TP73: variants seen among roughly 807,000 people sequenced by gnomAD.
TP73 encodes p53-like transcription factor.
TP73 carries 25 observed loss-of-function variants against 62.5 expected under a neutral mutation model. The ratio of observed to expected loss-of-function variants is 0.40; its 90% CI spans 0.29 to 0.56. The LOEUF (loss-of-function observed/expected upper bound fraction) is 0.56. TP73 is among the 20% of genes least tolerant of loss of function. The pLI is 0.46. For missense variants in TP73, 754 were observed against 913.3 expected (o/e 0.83, Z 2.25); for synonymous variants, 423 against 377.5 (o/e 1.12, Z -1.40).
At chr1:3,727,867 T>C in intron 8 of TP73, 97 bp downstream of exon 8, 1 of 1,431,492 alleles carries the variant, frequency 7.0e-7, no homozygotes, top group East Asian at 2.5e-5. Context: ...ACAGGGCCAG[T>C]CCCTGAACGG....
Position 3,730,930 on chromosome 1 carries a change from C to G in TP73, c.1349C>G (p.Pro450Arg). 1 of 1,603,926 alleles carries G rather than the reference C, an allele frequency of 6.2e-7. No homozygotes were observed. Among genetic ancestry groups the G allele is most frequent in the Non-Finnish European group, 8.5e-7 (1 of 1,175,878 alleles). The change falls in exon 12 of 14, where the codon CCC (proline) becomes CGC (arginine). Residue 450 changes from proline to arginine, a missense_variant. Around this residue, in one of 3 missense-constraint regions of TP73, gnomAD observed 458 missense variants for 528.7 expected, o/e 0.87. Transcript: ENST00000378295. ...AATPNLGPVG[P>R]GMLNNHGHAV... ...GCCCCACCTGCCTCTCACCCAGGCC[C>G]CGGGATGCTCAACAACCATGGCCAC...
chr1:3,663,549 A>G lies in TP73; in HGVS notation c.-34+10908A>G, dbSNP rs1645043185. 6.6e-6 allele frequency among the ~76,000 whole-genome samples: 1 copy of G among 152,096 alleles called. No individual in the cohort carries two copies. The highest frequency in any genetic ancestry group is 1.5e-5 in the Non-Finnish European group (1 of 68,012). ...GCTCACACGGTGAAACCCCATCTCTACTAAAAAATACAAAAAATTAGCCAG... is the reference window on the plus strand; with the variant it reads ...GCTCACACGGTGAAACCCCATCTCTGCTAAAAAATACAAAAAATTAGCCAG... On this transcript the variant is annotated intron_variant, in intron 1 of 13. Transcript: ENST00000378295. This position sits in a 1 kb window ranked among gnomAD's most constrained non-coding sequence, Gnocchi z 4.7.
intron 4 of TP73, among the ~76,000 whole-genome samples, chr1:3,715,320 G>A (rs539705929): frequency 2.6e-5 from 4 of 152,170 alleles, no homozygotes; most frequent in African/African-American, 9.6e-5. Flanking sequence ...CAGTCTTCCT[G>A]GAACCCAGGG....
rs1456616528 is a variant in TP73 at position 3,699,023 on chromosome 1, C to G, written c.187-8526C>G. ...GGGATTGGGCAAGGCCTCGCCTCAG[C>G]CCCGGGTGAGAGCAGAGGGTGCTGT... On this transcript the variant is annotated intron_variant, in intron 3 of 13. Coordinates refer to ENST00000378295, the MANE Select transcript of TP73 (RefSeq NM_005427.4). This position sits in a 1 kb window ranked among gnomAD's most constrained non-coding sequence, Gnocchi z 4.1. Among the ~76,000 whole-genome samples the G allele has an allele frequency of 6.6e-6, 1 of 152,142 alleles. No homozygotes were observed. The highest frequency in any genetic ancestry group is 2.4e-5 in the African/African-American group (1 of 41,418).
intron 1 of TP73, among the ~76,000 whole-genome samples, chr1:3,664,076 C>A (rs559868254): frequency 6.8e-4 from 103 of 152,350 alleles, no homozygotes; most frequent in Non-Finnish European, 1.3e-3. Flanking sequence ...ACCTGAGAAC[C>A]CCCAAGGGTG....
rs923921974 is a variant in TP73 at position 3,733,510 on chromosome 1, G to A, written c.*431G>A. The A allele has an allele frequency of 9.4e-6, 2 of 211,902 alleles. No individual in the cohort carries two copies. Among genetic ancestry groups the A allele is most frequent in the East Asian group, 2.2e-4 (2 of 8,942 alleles). The allele number at this position is 211,902 out of a possible 1,614,324, so 13.1% of individuals were successfully genotyped here. On this transcript the variant is annotated 3_prime_UTR_variant, in exon 14 of 14. Coordinates refer to ENST00000378295, the MANE Select transcript of TP73 (RefSeq NM_005427.4). ...GATGGACTGCCAAAAAGTATTTTGCGACATCTTTTGGTTCTGGATAGTAGT... is the reference window on the plus strand; with the variant it reads ...GATGGACTGCCAAAAAGTATTTTGCAACATCTTTTGGTTCTGGATAGTAGT...
chr1:3,660,307 A>G (rs1353506031), intron 1 of TP73, among the ~76,000 whole-genome samples: 1 of 152,222 alleles, frequency 6.6e-6, no homozygotes, highest in Non-Finnish European at 1.5e-5. Flanking sequence ...CCTTTAATCC[A>G]GGTACAAGGG....
intron 1 of TP73, among the ~76,000 whole-genome samples, chr1:3,669,279 A>T (rs1232287233): frequency 6.6e-6 from 1 of 152,144 alleles, no homozygotes; most frequent in Non-Finnish European, 1.5e-5. Flanking sequence ...GAGCCCCTCT[A>T]CGGCCTCCCA....
chr1:3,661,126 C>T (rs1351330488), intron 1 of TP73, among the ~76,000 whole-genome samples: 1 of 151,274 alleles, frequency 6.6e-6, no homozygotes, highest in Non-Finnish European at 1.5e-5. Context: ...TTATCTAAAA[C>T]AATTTTCCCT....
In TP73 at chr1:3,672,912, C is replaced by T. The variant is rs965304178; in HGVS notation, c.-33-9421C>T. ...ACCCCACCTCCAAACCCTCCTGACC[C>T]GCTTACCCCCAGGAGCACCGCCCAC... On this transcript the variant is annotated intron_variant, in intron 1 of 13. Transcript: ENST00000378295. The surrounding 1 kb of genome is among the most constrained non-coding windows in gnomAD (Gnocchi z 5.3). 2.6e-5 allele frequency among the ~76,000 whole-genome samples: 4 copies of T among 152,186 alleles called. No individual in the cohort carries two copies. The highest frequency in any genetic ancestry group is 6.5e-5 in the Admixed American group (1 of 15,278).
intron 3 of TP73, among the ~76,000 whole-genome samples, chr1:3,685,570 G>C (rs1357008071): frequency 6.6e-6 from 1 of 152,212 alleles, no homozygotes. Context: ...GCTGGGCCAA[G>C]AGCATGCTGT....
At chr1:3,702,796 C>G (rs1429087127) in intron 3 of TP73, among the ~76,000 whole-genome samples, 1 of 152,242 alleles carries the variant, frequency 6.6e-6, no homozygotes, top group Non-Finnish European at 1.5e-5. Context: ...CCTAATTAGC[C>G]CACTATCTTG....
rs1402767646 is a variant in TP73, at chr1:3,732,989, C to T, written c.1821C>T (p.Asp607=). 9 of 1,588,960 alleles carry T rather than the reference C, an allele frequency of 5.7e-6. No homozygotes were observed. Among genetic ancestry groups the T allele is most frequent in the South Asian group, 2.3e-5 (2 of 88,528 alleles). ...GCGGCGGCCCAGGCGGCGGCCCTGA[C>T]GAGTGGGCGGACTTCGGCTTCGACC... is the stretch of plus-strand genomic sequence containing the variant. ...PNRGGPGGGP[D]EWADFGFDLP... The change falls in exon 14 of 14, where the codon GAC becomes GAT. Residue 607 remains aspartate (D), a synonymous_variant. Coordinates refer to ENST00000378295, the MANE Select transcript of TP73 (RefSeq NM_005427.4).
At chr1:3,668,982 C>T (rs1404185270) in intron 1 of TP73, among the ~76,000 whole-genome samples, 1 of 152,226 alleles carries the variant, frequency 6.6e-6, no homozygotes. Context: ...GGCTCCAGGC[C>T]ATGCTCCGCC....
intron 3 of TP73, among the ~76,000 whole-genome samples, chr1:3,686,874 G>A (rs182974197): frequency 3.9e-5 from 6 of 152,286 alleles, no homozygotes; most frequent in Admixed American, 6.5e-5. Context: ...TATAAATGGC[G>A]CTACTGAGAG....
intron 3 of TP73, among the ~76,000 whole-genome samples, chr1:3,686,473 G>A (rs901743836): frequency 9.8e-5 from 15 of 152,314 alleles, no homozygotes; most frequent in African/African-American, 2.9e-4. Context: ...CATAGACTCT[G>A]GGATGCCAGG....
chr1:3,670,435 C>T lies in TP73; in HGVS notation c.-33-11898C>T, dbSNP rs1357297726. ...ATCCCAGCACTCTGGGAGGCTGAGG[C>T]GGGTGGATCAACAGAGGTCAGGAGT... is the stretch of plus-strand genomic sequence containing the variant. On this transcript the variant is annotated intron_variant, in intron 1 of 13. Coordinates refer to ENST00000378295, the MANE Select transcript of TP73 (RefSeq NM_005427.4). The surrounding 1 kb of genome is among the most constrained non-coding windows in gnomAD (Gnocchi z 5.9). 2.6e-5 allele frequency among the ~76,000 whole-genome samples: 4 copies of T among 152,202 alleles called. No homozygotes were observed. Among genetic ancestry groups the T allele is most frequent in the Middle Eastern group, 3.4e-3 (1 of 294 alleles).
In TP73 at chr1:3,724,262, G is replaced by T. The variant is rs560261565; in HGVS notation, c.732+793G>T. On this transcript the variant is annotated intron_variant, in intron 6 of 13. Coordinates refer to ENST00000378295, the MANE Select transcript of TP73 (RefSeq NM_005427.4). The stretch of plus-strand genomic sequence containing the variant: ...ACAGGAGGTGAGGAGTGGGTACCAG[G>T]CCCCCAGGGGAAGGCAGGCAATGGC... Among the ~76,000 whole-genome samples the T allele has an allele frequency of 2.0e-3, 301 of 152,146 alleles. 3 individuals carry two copies. Among genetic ancestry groups the T allele is most frequent in the African/African-American group, 7.0e-3 (289 of 41,492 alleles).
chr1:3,732,988 A>ACGAGTGGGCGGACTT lies in TP73; in HGVS notation c.1823_1837dup (p.Glu608_Phe612dup). ...CGCGGCGGCCCAGGCGGCGGCCCTGACGAGTGGGCGGACTTCGGCTTCGAC... is the reference window on the plus strand; with the variant it reads ...CGCGGCGGCCCAGGCGGCGGCCCTGACGAGTGGGCGGACTTCGAGTGGGCGGACTTCGGCTTCGAC... On this transcript the variant is annotated inframe_insertion, in exon 14 of 14. Transcript: ENST00000378295. The ACGAGTGGGCGGACTT allele has an allele frequency of 1.9e-6, 3 of 1,589,980 alleles. No individual in the cohort carries two copies. The East Asian group carries it at 6.9e-5, about 36-fold the overall frequency.
Sources: allele counts gnomAD v4.1 joint callset (sites outside exome capture counted in the v4.1 genomes callset), GRCh38; gene constraint gnomAD v4.1.1; regional missense constraint gnomAD v4.1.1; non-coding constraint Gnocchi (gnomAD v3.1); transcripts MANE v1.5; gene names NCBI Gene and HGNC (gene_info 2026-07-23, HGNC 2026-07-21).